The following KRT28 variants were observed in gnomAD, a reference collection of about 807,000 sequenced individuals.
The protein encoded by KRT28 is keratin 28, also known as keratin, type I cytoskeletal 28.
In KRT28, 45 loss-of-function variants were observed where a neutral mutation model predicts 48.1. The observed-to-expected ratio is 0.94, with a 90% CI of 0.74 to 1.20. The LOEUF (loss-of-function observed/expected upper bound fraction) is 1.20. Among genes scored for constraint, KRT28 ranks in the 50% most tolerant of loss-of-function variants. The pLI, the probability that KRT28 is intolerant of heterozygous loss-of-function variation, is 0.00. For missense variants in KRT28, 571 were observed against 574.1 expected (o/e 0.99, Z 0.06); for synonymous variants, 228 against 227.4 (o/e 1.00, Z -0.03).
At chr17:40,796,224 G>A (rs1436007251) in intron 5 of KRT28, among the ~76,000 whole-genome samples, 2 of 152,200 alleles carry the variant, frequency 1.3e-5, no homozygotes, top group African/African-American at 2.4e-5. Context: ...TGTGCATGCC[G>A]TAATTCTCAA....
At chr17:40,795,127 G>A (rs1045943994) in intron 5 of KRT28, among the ~76,000 whole-genome samples, 7 of 152,178 alleles carry the variant, frequency 4.6e-5, no homozygotes, top group African/African-American at 1.4e-4. Flanking sequence ...CAGACATTGG[G>A]TCTAATGGGG....
intron 3 of KRT28, among the ~76,000 whole-genome samples, chr17:40,797,607 G>A (rs767016628): frequency 3.9e-4 from 60 of 152,076 alleles, no homozygotes; most frequent in Non-Finnish European, 6.8e-4. Flanking sequence ...AAATTAGCCA[G>A]GCTTGGTGGT....
chr17:40,798,614 A>G (rs112149568), intron 2 of KRT28, among the ~76,000 whole-genome samples: 6 of 152,252 alleles, frequency 3.9e-5, no homozygotes, highest in African/African-American at 1.2e-4. Context: ...ACCTAGTTAA[A>G]TAAAAATACA....
At position 40,798,322 on chromosome 17, in the gene KRT28, G is replaced by C. The variant is rs200078241; in HGVS notation, c.603C>G (p.Asp201Glu). 8 of 1,613,274 alleles carry C rather than the reference G, an allele frequency of 5.0e-6. No individual in the cohort carries two copies. The African/African-American group carries it at 8.0e-5, about 16-fold the overall frequency. The change falls in exon 3 of 8, where the codon GAC becomes GAG. Residue 201 changes from aspartate to glutamate, a missense_variant. Coordinates refer to ENST00000306658, the MANE Select transcript of KRT28 (RefSeq NM_181535.3). ...GGTCGGTCCTGCAGAGCGTCAGCTC[G>C]TCCAGGACTCGCCGTAATCCGTTGA... Reference protein sequence around the residue: ...ADINGLRRVLDELTLCRTDQE... With the variant: ...ADINGLRRVLEELTLCRTDQE...
chr17:40,795,071 T>C (rs1904580884), intron 5 of KRT28, among the ~76,000 whole-genome samples: 1 of 152,240 alleles, frequency 6.6e-6, no homozygotes, highest in East Asian at 1.9e-4. Context: ...AGTGACTTCA[T>C]TCTAGCATTG....
At chr17:40,798,458 C>T in intron 2 of KRT28, 67 bp from the exon 3 acceptor site, 30 of 1,505,496 alleles carry the variant, frequency 2.0e-5, no homozygotes, top group Non-Finnish European at 2.7e-5. Flanking sequence ...ATATTCAATC[C>T]CAATTGCTTT....
chr17:40,795,312 T>C (rs951098375), intron 5 of KRT28, among the ~76,000 whole-genome samples: 1 of 152,106 alleles, frequency 6.6e-6, no homozygotes, highest in Admixed American at 6.5e-5. Flanking sequence ...CTCAAAACTT[T>C]AATTTCCCTG....
intron 5 of KRT28, among the ~76,000 whole-genome samples, chr17:40,794,254 G>A (rs1904560857): frequency 6.6e-6 from 1 of 152,122 alleles, no homozygotes; most frequent in South Asian, 2.1e-4. Context: ...GGGATAAATG[G>A]CCCTTTTCCC....
Position 40,799,455 on chromosome 17 carries a change from G to A in KRT28, c.439C>T (p.Leu147Phe). 4 of 1,600,906 alleles carry A rather than the reference G, an allele frequency of 2.5e-6. No individual in the cohort carries two copies. Among genetic ancestry groups the A allele is most frequent in the Non-Finnish European group, 3.4e-6 (4 of 1,171,178 alleles). ...CTGTGATTTCTCACCTTATTCTTAAGATCCTCAATTGTTAGGTGATATCTG... is the reference window on the plus strand; with the variant it reads ...CTGTGATTTCTCACCTTATTCTTAAAATCCTCAATTGTTAGGTGATATCTG... The part of the protein sequence containing the change: ...YSRYHLTIED[L>F]KNKIISSTTT... Residue 147 changes from leucine to phenylalanine, a missense_variant, in exon 1 of 8, where the codon CTT becomes TTT. Physicochemically the swap from Leu to Phe is conservative, Grantham distance 22. Transcript: ENST00000306658.
In KRT28 at chr17:40,797,100, G is replaced by A. The variant is rs1328424279; in HGVS notation, c.852+20C>T. On this transcript the variant is annotated intron_variant, in intron 4 of 7. Coordinates refer to ENST00000306658, the MANE Select transcript of KRT28 (RefSeq NM_181535.3). Reference sequence around the variant, plus strand: ...CCCACCCCCGGGGAGGTGTGAGCAGGGAGACGGGGCCCACCTCACCTTCTC... The same window carrying A: ...CCCACCCCCGGGGAGGTGTGAGCAGAGAGACGGGGCCCACCTCACCTTCTC... 1 of 1,612,852 alleles carries A rather than the reference G, an allele frequency of 6.2e-7. No homozygotes were observed. The highest frequency in any genetic ancestry group is 1.7e-5 in the Admixed American group (1 of 59,960).
chr17:40,798,543 C>G, intron 2 of KRT28, 152 bp from the exon 3 acceptor site: 1 of 760,124 alleles, frequency 1.3e-6, no homozygotes, highest in Non-Finnish European at 2.0e-6. Flanking sequence ...CTGCATTACC[C>G]CCACTCAATT....
chr17:40,797,276 C>T lies in KRT28; in HGVS notation c.696G>A (p.Met232Ile). ...TYLKKNHEEEMKALQCAAGGN... is the reference protein window; with the variant it reads ...TYLKKNHEEEIKALQCAAGGN... ...CCCCAGCCGCGCACTGCAGAGCCTT[C>T]ATCTCCTGGAGAGAAGCAAGAGTGT... is the stretch of plus-strand genomic sequence containing the variant. Residue 232 changes from methionine (M) to isoleucine (I), a missense_variant, in exon 4 of 8, where the codon ATG becomes ATA. Physicochemically the swap from Met to Ile is conservative, Grantham distance 10. Coordinates refer to ENST00000306658, the MANE Select transcript of KRT28 (RefSeq NM_181535.3). The T allele has an allele frequency of 6.2e-7, 1 of 1,613,258 alleles. No individual in the cohort carries two copies. The highest frequency in any genetic ancestry group is 8.5e-7 in the Non-Finnish European group (1 of 1,179,468).
At chr17:40,794,099 T>C (rs1904556175) in intron 5 of KRT28, 53 bp from the exon 6 acceptor site, 1 of 1,591,294 alleles carries the variant, frequency 6.3e-7, no homozygotes. Context: ...TGAGGACTAG[T>C]AGAACATTGT....
chr17:40,799,840 A>G lies in KRT28; in HGVS notation c.54T>C (p.Ala18=), dbSNP rs779726576. The part of the protein sequence containing the change: ...GSRHVCLRSG[A]GSVRPLNGGA... ...CTCCATTGAGGGGTCTGACAGATCC[A>G]GCTCCAGACCTTAAGCAAACATGCC... The change falls in exon 1 of 8, where the codon GCT becomes GCC. Residue 18 remains alanine (A), a synonymous_variant. Transcript: ENST00000306658. 1.9e-6 allele frequency: 3 copies of G among 1,614,044 alleles called. No homozygotes were observed. The highest frequency in any genetic ancestry group is 2.5e-6 in the Non-Finnish European group (3 of 1,180,024).
chr17:40,798,687 C>A (rs939258377), intron 2 of KRT28, among the ~76,000 whole-genome samples: 3 of 152,118 alleles, frequency 2.0e-5, no homozygotes, highest in Admixed American at 2.0e-4. Flanking sequence ...TACTGAGCAT[C>A]TACTTTGTGC....
rs760530871 is a variant in KRT28, at chr17:40,798,932, T to A, written c.518A>T (p.Asp173Val). ...LQIDNARLAA[D>V]DFRLKYENEL... ...TGTCACTTACTTTAGCCTGAAATCATCAGCAGCCAGTCTGGCATTATCAAT... is the reference window on the plus strand; with the variant it reads ...TGTCACTTACTTTAGCCTGAAATCAACAGCAGCCAGTCTGGCATTATCAAT... The change falls in exon 2 of 8, where the codon GAT becomes GTT. Residue 173 changes from aspartate to valine, a missense_variant. Transcript: ENST00000306658. The A allele has an allele frequency of 5.0e-6, 8 of 1,605,144 alleles. No individual in the cohort carries two copies. In the African/African-American group the frequency reaches 9.4e-5, roughly 19 times the overall value.
In KRT28 at chr17:40,799,838, C is replaced by T. The variant is rs1248414492; in HGVS notation, c.56G>A (p.Gly19Glu). Residue 19 changes from glycine (G) to glutamate (E), a missense_variant, in exon 1 of 8, where the codon GGA becomes GAA. Physicochemically the swap from Gly to Glu is moderately conservative, Grantham distance 98. Transcript: ENST00000306658. Reference protein sequence around the residue: ...SRHVCLRSGAGSVRPLNGGAG... With the variant: ...SRHVCLRSGAESVRPLNGGAG... ...ACCTCCATTGAGGGGTCTGACAGAT[C>T]CAGCTCCAGACCTTAAGCAAACATG... The T allele has an allele frequency of 2.5e-6, 4 of 1,613,904 alleles. No individual in the cohort carries two copies. In the Admixed American group the frequency reaches 6.7e-5, roughly 27 times the overall value.
In KRT28 at chr17:40,794,310, T is replaced by C. The variant is rs191458561; in HGVS notation, c.979-264A>G. 7.9e-5 allele frequency among the ~76,000 whole-genome samples: 12 copies of C among 152,336 alleles called. No individual in the cohort carries two copies. The East Asian group carries it at 1.9e-3, about 24-fold the overall frequency. On this transcript the variant is annotated intron_variant, in intron 5 of 7. Coordinates refer to ENST00000306658, the MANE Select transcript of KRT28 (RefSeq NM_181535.3). ...CTGGACATTGATGATATATAGGTCA[T>C]ATTTCTATTAAAACCAACTGATATA...
At chr17:40,799,407 A>C in intron 1 of KRT28, 37 bp downstream of exon 1, 1 of 1,492,068 alleles carries the variant, frequency 6.7e-7, no homozygotes, top group Non-Finnish European at 9.1e-7. Flanking sequence ...TCTTAGTTTT[A>C]AATACTTGGG....
Sources: allele counts gnomAD v4.1 joint callset (sites outside exome capture counted in the v4.1 genomes callset), GRCh38; gene constraint gnomAD v4.1.1; transcripts MANE v1.5; gene names NCBI Gene and HGNC (gene_info 2026-07-23, HGNC 2026-07-21).